The following LSAMP variants were observed in gnomAD, a reference collection of about 807,000 sequenced individuals.
LSAMP encodes the protein limbic system-associated membrane protein.
LSAMP carries 7 observed loss-of-function variants against 38.6 expected under a neutral mutation model. The ratio of observed to expected loss-of-function variants is 0.18; its 90% CI spans 0.10 to 0.34. The LOEUF is 0.34. Ranked by LOEUF, LSAMP falls within the 10% of genes least tolerant of loss-of-function variation. The pLI is 1.00. For synonymous variants in LSAMP, 154 were observed against 166.8 expected (o/e 0.92, Z 0.59); for missense variants, 313 against 420.0 (o/e 0.75, Z 2.23).
chr3:116,370,568 T>C (rs1377396876), intron 1 of LSAMP, among the ~76,000 whole-genome samples: 1 of 152,120 alleles, frequency 6.6e-6, no homozygotes, highest in East Asian at 1.9e-4. Context: ...TGTACACATA[T>C]TACCTAAGCA....
At chr3:116,122,390 C>CT (rs1708896533) in intron 1 of LSAMP, among the ~76,000 whole-genome samples, 1 of 152,188 alleles carries the variant, frequency 6.6e-6, no homozygotes, top group African/African-American at 2.4e-5. Context: ...CTTTACACAG[C>CT]TGGTTCCCTT....
intron 1 of LSAMP, among the ~76,000 whole-genome samples, chr3:116,178,494 C>A (rs993985623): frequency 1.3e-5 from 2 of 152,114 alleles, no homozygotes; most frequent in African/African-American, 4.8e-5. Flanking sequence ...AAAGCAAGTA[C>A]ATCAGTTAGG....
chr3:116,313,749 T>A (rs1346870954), intron 1 of LSAMP, among the ~76,000 whole-genome samples: 1 of 152,150 alleles, frequency 6.6e-6, no homozygotes, highest in Non-Finnish European at 1.5e-5. Flanking sequence ...AGGTCAGGTG[T>A]TTGAGACCAG....
At chr3:115,951,278 C>G (rs1938279922) in intron 3 of LSAMP, among the ~76,000 whole-genome samples, 1 of 151,930 alleles carries the variant, frequency 6.6e-6, no homozygotes, top group African/African-American at 2.4e-5. Flanking sequence ...TAGATGGGAC[C>G]CAATTAAACT....
chr3:115,874,058 C>G (rs749596288), intron 3 of LSAMP, among the ~76,000 whole-genome samples: 1 of 152,136 alleles, frequency 6.6e-6, no homozygotes, highest in African/African-American at 2.4e-5. Context: ...TCTCTTGGAG[C>G]CTTTTCATAG....
intron 1 of LSAMP, among the ~76,000 whole-genome samples, chr3:116,206,077 C>A (rs1165285201): frequency 1.3e-5 from 2 of 151,702 alleles, no homozygotes; most frequent in East Asian, 3.9e-4. Flanking sequence ...GCCACAATTT[C>A]AGCTCCTGTT....
At chr3:115,938,211 A>G (rs1041676171) in intron 3 of LSAMP, among the ~76,000 whole-genome samples, 4 of 152,186 alleles carry the variant, frequency 2.6e-5, no homozygotes, top group African/African-American at 9.6e-5. Context: ...GTGGTTTATG[A>G]GAGAAAAATG....
intron 3 of LSAMP, among the ~76,000 whole-genome samples, chr3:115,958,851 C>G (rs546205745): frequency 1.8e-4 from 27 of 152,152 alleles, no homozygotes; most frequent in African/African-American, 2.4e-5. Flanking sequence ...ACAACTTTCC[C>G]CCTTGAATGA....
At chr3:116,372,865 T>TA (rs565195504) in intron 1 of LSAMP, among the ~76,000 whole-genome samples, 42,214 of 141,114 alleles carry the variant, frequency 0.3, 7,735 homozygotes, top group African/African-American at 0.54. Flanking sequence ...TAGCTGCTAT[T>TA]AAAAAAAAAA....
At position 115,904,612 on chromosome 3, in the gene LSAMP, C is replaced by T. The variant is rs185710900; in HGVS notation, c.515-51995G>A. Among the ~76,000 whole-genome samples the T allele has an allele frequency of 1.6e-3, 243 of 152,236 alleles. 2 individuals are homozygous for T. The highest frequency in any genetic ancestry group is 5.6e-3 in the African/African-American group (232 of 41,556). On this transcript the variant is annotated intron_variant, in intron 3 of 6. Transcript: ENST00000490035. ...GTCCTTGTCCCTTCTCTCACCTCTC[C>T]CAGATCTACCCTTCACTCTCAGAGT... is the stretch of plus-strand genomic sequence containing the variant.
At chr3:115,873,420 GA>G (rs2107404567) in intron 3 of LSAMP, among the ~76,000 whole-genome samples, 1 of 150,888 alleles carries the variant, frequency 6.6e-6, no homozygotes, top group East Asian at 2.0e-4. Flanking sequence ...GACTAGGGCA[GA>G]AATTCTGTTT....
rs566601021 is a variant in LSAMP, at chr3:115,842,502, C to T, written c.726G>A (p.Ser242=). The change falls in exon 5 of 7, where the codon TCG becomes TCA. Residue 242 remains serine (S), a synonymous_variant. Coordinates refer to ENST00000490035, the MANE Select transcript of LSAMP (RefSeq NM_002338.5). The stretch of plus-strand genomic sequence containing the variant: ...ACTCAAAGTCAGGTGCAGGCACTGC[C>T]GAGGCCTCACATTTGAGTGAAGCTT... ...GRQASLKCEA[S]AVPAPDFEWY... 29 of 1,613,912 alleles carry T rather than the reference C, an allele frequency of 1.8e-5. No homozygotes were observed. The highest frequency in any genetic ancestry group is 8.9e-5 in the East Asian group (4 of 44,870).
At chr3:115,893,574 A>G (rs1936654400) in intron 3 of LSAMP, among the ~76,000 whole-genome samples, 1 of 152,008 alleles carries the variant, frequency 6.6e-6, no homozygotes, top group Admixed American at 6.6e-5. Context: ...ATTTTAACAT[A>G]CAATTTTTGA....
intron 3 of LSAMP, among the ~76,000 whole-genome samples, chr3:115,905,115 GTCA>G (rs963254521): frequency 6.6e-5 from 10 of 152,052 alleles, no homozygotes; most frequent in Non-Finnish European, 4.4e-5. Context: ...CAGCTTGTCA[GTCA>G]TCATCAAGTA....
At chr3:116,419,249 C>T (rs1485743171) in intron 1 of LSAMP, among the ~76,000 whole-genome samples, 1 of 152,220 alleles carries the variant, frequency 6.6e-6, no homozygotes. Flanking sequence ...CACAATTAAT[C>T]TCATCCTCCT....
chr3:115,856,591 C>T (rs886405757), intron 3 of LSAMP, among the ~76,000 whole-genome samples: 1 of 151,568 alleles, frequency 6.6e-6, no homozygotes. Flanking sequence ...TGCACTCCAG[C>T]CTGGGTGACA....
At chr3:116,306,440 A>G (rs1391026946) in intron 1 of LSAMP, among the ~76,000 whole-genome samples, 1 of 152,020 alleles carries the variant, frequency 6.6e-6, no homozygotes, top group African/African-American at 2.4e-5. Flanking sequence ...GTGCATACCT[A>G]GTGTTTCTGA....
intron 3 of LSAMP, among the ~76,000 whole-genome samples, chr3:115,963,613 G>C (rs559635654): frequency 6.6e-6 from 1 of 152,236 alleles, no homozygotes; most frequent in Admixed American, 6.5e-5. Context: ...AGGGAATGGC[G>C]GGTATGACTA....
At chr3:116,081,785 T>C (rs1218639040) in intron 2 of LSAMP, among the ~76,000 whole-genome samples, 1 of 152,220 alleles carries the variant, frequency 6.6e-6, no homozygotes, top group East Asian at 1.9e-4. Flanking sequence ...GGATTCTATT[T>C]AGTACGATAG....
Sources: gnomAD v4.1 joint callset for allele counts (sites outside exome capture counted in the v4.1 genomes callset) on GRCh38, gnomAD v4.1.1 for gene constraint, MANE v1.5 for transcripts, NCBI Gene and HGNC (gene_info 2026-07-23, HGNC 2026-07-21) for gene names.